The following PSEN1 variants were observed in gnomAD, a reference collection of about 807,000 sequenced individuals.
PSEN1 encodes the protein presenilin-1.
In PSEN1, 15 loss-of-function variants were observed where a neutral mutation model predicts 53.5. That is an observed-to-expected ratio of 0.28 (90% CI 0.19 to 0.43). The LOEUF (loss-of-function observed/expected upper bound fraction) is 0.43. Ranked by LOEUF, PSEN1 falls within the 20% of genes least tolerant of loss-of-function variation. The pLI, the probability that PSEN1 is intolerant of heterozygous loss-of-function variation, is 1.00. For synonymous variants in PSEN1, 208 were observed against 209.8 expected (o/e 0.99, Z 0.08); for missense variants, 387 against 571.2 (o/e 0.68, Z 3.29).
chr14:73,179,662 A>G (rs892067687), intron 5 of PSEN1, among the ~76,000 whole-genome samples: 3 of 152,180 alleles, frequency 2.0e-5, no homozygotes, highest in African/African-American at 4.8e-5. Context: ...TCTGGGTGTT[A>G]GGAGACCTCT....
intron 1 of PSEN1, among the ~76,000 whole-genome samples, chr14:73,142,755 T>C (rs1271891131): frequency 6.6e-6 from 1 of 152,232 alleles, no homozygotes; most frequent in Non-Finnish European, 1.5e-5. Flanking sequence ...AGATTATTTG[T>C]AGTTCTCCTG....
At position 73,221,828 on chromosome 14, in the gene PSEN1, A is replaced by G. The variant is rs1900123959; in HGVS notation, c.*2539A>G. 6.6e-6 allele frequency: 1 copy of G among 152,204 alleles called. No homozygotes were observed. The highest frequency in any genetic ancestry group is 1.5e-5 in the Non-Finnish European group (1 of 68,034). 9.4% of individuals were successfully genotyped at this position (152,204 alleles called of 1,614,324 possible). On this transcript the variant is annotated 3_prime_UTR_variant, in exon 12 of 12. Coordinates refer to ENST00000324501, the MANE Select transcript of PSEN1 (RefSeq NM_000021.4). Reference sequence around the variant, plus strand: ...CATGAAAAATAGATTGTCACTGGAAAGAACAGTAGCAATTTCCATAAGGAT... The same window carrying G: ...CATGAAAAATAGATTGTCACTGGAAGGAACAGTAGCAATTTCCATAAGGAT...
chr14:73,160,803 C>CT (rs34048372), intron 3 of PSEN1, among the ~76,000 whole-genome samples: 68,006 of 84,952 alleles, frequency 0.8, 28,286 homozygotes, highest in South Asian at 0.91. Context: ...AATTGTAGGA[C>CT]TTTTTTTTTT....
intron 10 of PSEN1, among the ~76,000 whole-genome samples, chr14:73,213,018 C>T (rs1470259803): frequency 6.6e-6 from 1 of 152,176 alleles, no homozygotes; most frequent in Non-Finnish European, 1.5e-5. Context: ...TTGAGGAGAA[C>T]ACTTTTTACA....
intron 5 of PSEN1, among the ~76,000 whole-genome samples, chr14:73,177,478 C>T (rs1021977111): frequency 1.4e-4 from 22 of 152,138 alleles, no homozygotes; most frequent in African/African-American, 3.9e-4. Flanking sequence ...AGGCGTGAGC[C>T]GCTATGCCAG....
chr14:73,184,494 C>T (rs1898387116), intron 5 of PSEN1, among the ~76,000 whole-genome samples: 2 of 117,856 alleles, frequency 1.7e-5, no homozygotes, highest in Non-Finnish European at 3.6e-5. Context: ...ACCTCCCGGA[C>T]GGGGCGGCTG....
rs367775281 is a variant in PSEN1, at chr14:73,170,834, G to C, written c.125G>C (p.Arg42Pro). Residue 42 changes from arginine (R) to proline (P), a missense_variant, in exon 4 of 12, where the codon CGG (arginine) becomes CCG (proline). Around this residue, in one of 4 missense-constraint regions of PSEN1, gnomAD observed 99 missense variants for 101.5 expected, o/e 0.98. Transcript: ENST00000324501. ...GAACGGCAGGAGCACAACGACAGAC[G>C]GAGCCTTGGCCACCCTGAGCCATTA... ...NRERQEHNDRRSLGHPEPLSN... is the reference protein window; with the variant it reads ...NRERQEHNDRPSLGHPEPLSN... 2 of 1,614,136 alleles carry C rather than the reference G, an allele frequency of 1.2e-6. No homozygotes were observed. Among genetic ancestry groups the C allele is most frequent in the East Asian group, 2.2e-5 (1 of 44,888 alleles).
At chr14:73,209,522 T>A (rs1899594893) in intron 9 of PSEN1, among the ~76,000 whole-genome samples, 1 of 152,226 alleles carries the variant, frequency 6.6e-6, no homozygotes, top group Non-Finnish European at 1.5e-5. Context: ...ACTGAGCACC[T>A]GACTATGTGC....
intron 5 of PSEN1, 25 bp downstream of exon 5, chr14:73,173,732 C>T: frequency 1.9e-6 from 3 of 1,612,562 alleles, no homozygotes; most frequent in Non-Finnish European, 2.5e-6. Context: ...CAGATCTTTG[C>T]TTTCCACCCT....
intron 3 of PSEN1, among the ~76,000 whole-genome samples, chr14:73,148,452 T>C (rs1321044362): frequency 6.6e-6 from 1 of 152,216 alleles, no homozygotes; most frequent in Non-Finnish European, 1.5e-5. Context: ...TACCTAACAG[T>C]TCCTTTTAGT....
intron 5 of PSEN1, among the ~76,000 whole-genome samples, chr14:73,183,455 T>C (rs1375646134): frequency 2.0e-5 from 3 of 152,114 alleles, no homozygotes; most frequent in African/African-American, 4.8e-5. Context: ...CCTTCCGCAG[T>C]GTTTGTGTCC....
At chr14:73,201,446 A>G (rs1414300006) in intron 8 of PSEN1, among the ~76,000 whole-genome samples, 1 of 152,172 alleles carries the variant, frequency 6.6e-6, no homozygotes, top group Non-Finnish European at 1.5e-5. Flanking sequence ...ACCATACAGT[A>G]TTTGCTGTCT....
chr14:73,155,705 G>C (rs1235253368), intron 3 of PSEN1, among the ~76,000 whole-genome samples: 1 of 151,920 alleles, frequency 6.6e-6, no homozygotes, highest in African/African-American at 2.4e-5. Context: ...TTTTTGTAGA[G>C]CTGGGGTCTC....
intron 1 of PSEN1, chr14:73,138,117 C>T (rs1046221956): frequency 6.6e-6 from 1 of 151,146 alleles, no homozygotes; most frequent in African/African-American, 2.4e-5. Context: ...AAAAGGCATA[C>T]AAATTTATTA....
intron 5 of PSEN1, among the ~76,000 whole-genome samples, chr14:73,184,048 G>A (rs1177631156): frequency 1.5e-5 from 2 of 133,702 alleles, no homozygotes; most frequent in African/African-American, 3.1e-5. Flanking sequence ...CTGGCCAGGC[G>A]GGGGGCTGAT....
intron 5 of PSEN1, among the ~76,000 whole-genome samples, chr14:73,185,760 A>G (rs1184380584): frequency 6.6e-6 from 1 of 152,200 alleles, no homozygotes; most frequent in Non-Finnish European, 1.5e-5. Context: ...CATATTGGCC[A>G]GGCTGGTCTT....
At chr14:73,152,285 A>G (rs887406545) in intron 3 of PSEN1, among the ~76,000 whole-genome samples, 7 of 151,996 alleles carry the variant, frequency 4.6e-5, no homozygotes, top group African/African-American at 1.7e-4. Context: ...ATGACTGACT[A>G]AAGTCATGGA....
intron 1 of PSEN1, among the ~76,000 whole-genome samples, chr14:73,147,020 G>A (rs1385169529): frequency 6.6e-6 from 1 of 151,906 alleles, no homozygotes; most frequent in African/African-American, 2.4e-5. Flanking sequence ...GAGGTCTGAG[G>A]CTGGGAGTCA....
At chr14:73,151,236 A>G (rs546876974) in intron 3 of PSEN1, among the ~76,000 whole-genome samples, 1 of 152,342 alleles carries the variant, frequency 6.6e-6, no homozygotes, top group East Asian at 1.9e-4. Context: ...TTGTGAATAT[A>G]TAAAAATAAT....
Sources: gnomAD v4.1 joint callset for allele counts (sites outside exome capture counted in the v4.1 genomes callset) on GRCh38, gnomAD v4.1.1 for gene constraint, gnomAD v4.1.1 regional missense constraint, MANE v1.5 for transcripts, NCBI Gene and HGNC (gene_info 2026-07-23, HGNC 2026-07-21) for gene names.